TRPM1: variants seen among roughly 807,000 people sequenced by gnomAD.
TRPM1 encodes the protein transient receptor potential cation channel subfamily M member 1.
TRPM1 carries 113 observed loss-of-function variants against 149.4 expected under a neutral mutation model. The observed-to-expected ratio is 0.76, with a 90% CI of 0.65 to 0.88. The LOEUF is 0.88. TRPM1 is among the 40% of genes least tolerant of loss of function. The pLI is 0.00. For synonymous variants in TRPM1, 741 were observed against 759.5 expected, an observed-to-expected ratio of 0.98 and a Z score of 0.40; for missense variants, 1,976 against 2,038.7, an observed-to-expected ratio of 0.97 and a Z score of 0.59.
chr15:31,046,227 CT>C lies in TRPM1; in HGVS notation c.1770del (p.Ala591LeufsTer37). 6.2e-7 allele frequency: 1 copy of C among 1,613,614 alleles called. No individual in the cohort carries two copies. Among genetic ancestry groups the C allele is most frequent in the Non-Finnish European group, 8.5e-7 (1 of 1,179,828 alleles). ...YNNLFGPKRP[K>X]ALKLLGMEDD... The stretch of plus-strand genomic sequence containing the variant: ...ACTTCCATTCCCAGAAGTTTAAGAG[CT>C]TTAGGCTGCATGGTGAAAGAGGAAG... On this transcript the variant is annotated frameshift_variant, in exon 16 of 28. Coordinates refer to ENST00000256552, the MANE Select transcript of TRPM1 (RefSeq NM_001252024.2). LOFTEE classifies it high-confidence loss of function.
intron 1 of TRPM1, among the ~76,000 whole-genome samples, chr15:31,122,623 T>C (rs924529274): frequency 1.3e-5 from 2 of 152,168 alleles, no homozygotes; most frequent in African/African-American, 4.8e-5. Flanking sequence ...TTTAACAAAA[T>C]ATGTCCAAGA....
At chr15:31,093,709 C>T (rs539931930) in intron 1 of TRPM1, among the ~76,000 whole-genome samples, 11 of 151,878 alleles carry the variant, frequency 7.2e-5, no homozygotes, top group African/African-American at 2.4e-4. Flanking sequence ...TCAAGTGATT[C>T]TTGTGCCTCA....
intron 1 of TRPM1, among the ~76,000 whole-genome samples, chr15:31,112,954 A>C (rs1475323458): frequency 6.6e-6 from 1 of 152,184 alleles, no homozygotes; most frequent in Non-Finnish European, 1.5e-5. Flanking sequence ...AAGTATCACA[A>C]CAGAGGACTT....
intron 1 of TRPM1, among the ~76,000 whole-genome samples, chr15:31,124,248 G>A (rs926870652): frequency 1.3e-5 from 2 of 151,974 alleles, no homozygotes; most frequent in East Asian, 1.9e-4. Context: ...TCGCGCCATC[G>A]TGCTCTAGCA....
Position 31,076,953 on chromosome 15 carries a change from C to CA in TRPM1, c.34dup (p.Cys12LeufsTer11). 6.2e-7 allele frequency: 1 copy of CA among 1,612,700 alleles called. No homozygotes were observed. Among genetic ancestry groups the CA allele is most frequent in the Non-Finnish European group, 8.5e-7 (1 of 1,178,762 alleles). On this transcript the variant is annotated frameshift_variant, in exon 3 of 28. Coordinates refer to ENST00000256552, the MANE Select transcript of TRPM1 (RefSeq NM_001252024.2). LOFTEE classifies it high-confidence loss of function. ...AATTACAAAGATACATTCCCGTTTGCAAAAGGTTTTCTCTATCCAAGATTT... is the reference window on the plus strand; with the variant it reads ...AATTACAAAGATACATTCCCGTTTGCAAAAAGGTTTTCTCTATCCAAGATTT...
At chr15:31,024,996 C>A (rs1011210451) in intron 27 of TRPM1, among the ~76,000 whole-genome samples, 1 of 152,198 alleles carries the variant, frequency 6.6e-6, no homozygotes, top group East Asian at 1.9e-4. Flanking sequence ...GTTGCCATCT[C>A]CCCTCCTGTG....
intron 11 of TRPM1, among the ~76,000 whole-genome samples, chr15:31,052,782 T>G (rs953844587): frequency 2.6e-5 from 4 of 152,030 alleles, no homozygotes; most frequent in African/African-American, 9.7e-5. Context: ...TCTCAAAAAC[T>G]AATTAATTAA....
At chr15:31,056,819 A>C (rs2034099341) in intron 11 of TRPM1, among the ~76,000 whole-genome samples, 1 of 152,182 alleles carries the variant, frequency 6.6e-6, no homozygotes, top group African/African-American at 2.4e-5. Context: ...AGGCCCTGAC[A>C]AGATACCAGC....
chr15:31,113,555 T>TC, intron 1 of TRPM1, among the ~76,000 whole-genome samples: 1 of 152,122 alleles, frequency 6.6e-6, no homozygotes, highest in East Asian at 1.9e-4. Flanking sequence ...CCTAAAATGT[T>TC]TTTTTTTAAC....
At chr15:31,081,532 G>A (rs1292403283) in intron 1 of TRPM1, 94 bp from the exon 2 acceptor site, 1 of 784,126 alleles carries the variant, frequency 1.3e-6, no homozygotes, top group Non-Finnish European at 2.0e-6. Flanking sequence ...CTTTGTTCCA[G>A]TCTCTGCTCT....
In TRPM1 at chr15:31,066,239, T is replaced by C. The variant is rs1486622208; in HGVS notation, c.627A>G (p.Arg209=). 1.2e-6 allele frequency: 2 copies of C among 1,614,126 alleles called. No homozygotes were observed. The highest frequency in any genetic ancestry group is 1.7e-6 in the Non-Finnish European group (2 of 1,180,022). The change falls in exon 7 of 28, where the codon AGA becomes AGG. Residue 209 remains arginine, a synonymous_variant. Coordinates refer to ENST00000256552, the MANE Select transcript of TRPM1 (RefSeq NM_001252024.2). ...KEDLVGKDVT[R]VYQTMSNPLS... ...GAGGGTTGGACATGGTCTGGTACAC[T>C]CTTGTTACCTGACAAAGTGCACAGC... is the stretch of plus-strand genomic sequence containing the variant.
At position 31,002,233 on chromosome 15, in the gene TRPM1, C is replaced by T. The variant is rs1290411036; in HGVS notation, c.4467G>A (p.Thr1489=). 2.5e-6 allele frequency: 4 copies of T among 1,614,212 alleles called. No homozygotes were observed. Among genetic ancestry groups the T allele is most frequent in the Non-Finnish European group, 1.7e-6 (2 of 1,180,032 alleles). The change falls in exon 28 of 28, where the codon ACG becomes ACA. Residue 1489 remains threonine, a synonymous_variant. Transcript: ENST00000256552. ...EYSSITDQQL[T]TEWQCQVQKI... is the part of the protein sequence containing the mutation. Reference sequence around the variant, plus strand: ...TTTGAACTTGGCATTGCCATTCCGTCGTCAATTGCTGGTCCGTGATTGAAC... The same window carrying T: ...TTTGAACTTGGCATTGCCATTCCGTTGTCAATTGCTGGTCCGTGATTGAAC...
chr15:31,123,811 A>G (rs1169870927), intron 1 of TRPM1, among the ~76,000 whole-genome samples: 1 of 152,234 alleles, frequency 6.6e-6, no homozygotes, highest in Admixed American at 6.5e-5. Context: ...GTCTTATCTT[A>G]TGATCCAGAA....
At position 31,149,525 on chromosome 15, in the gene TRPM1, TC is replaced by T. The variant is rs1365997217; in HGVS notation, c.54+11380del. The stretch of plus-strand genomic sequence containing the variant: ...AGCTCGTCATGTGCATCTCTCTCTC[TC>T]TTTTTTTTTTTTTTTTTGAGACGGA... On this transcript the variant is annotated intron_variant, in intron 1 of 26. Coordinates refer to the TRPM1 transcript ENST00000542188. Among the ~76,000 whole-genome samples the T allele has an allele frequency of 8.8e-3, 451 of 51,348 alleles. 14 individuals are homozygous for T. Among genetic ancestry groups the T allele is most frequent in the African/African-American group, 0.035 (437 of 12,396 alleles). The allele number at this position is 51,348 out of a possible 152,430, so 33.7% of individuals were successfully genotyped here. A position where few individuals can be genotyped will look rare whatever the true frequency, so the allele number is the denominator to read the frequency against.
chr15:31,063,084 G>C (rs760416866), intron 8 of TRPM1, 34 bp downstream of exon 8: 2 of 1,613,560 alleles, frequency 1.2e-6, no homozygotes, highest in Admixed American at 1.7e-5. Context: ...AGGGAGTTAC[G>C]AACCCGCCCT....
chr15:31,127,688 C>T (rs1036500600), intron 1 of TRPM1, among the ~76,000 whole-genome samples: 1 of 152,004 alleles, frequency 6.6e-6, no homozygotes, highest in South Asian at 2.1e-4. Flanking sequence ...GACAGGGTGG[C>T]GAGAAGGCAG....
At chr15:31,157,819 G>A (rs947514958) in intron 1 of TRPM1, among the ~76,000 whole-genome samples, 22 of 152,264 alleles carry the variant, frequency 1.4e-4, no homozygotes, top group African/African-American at 5.1e-4. Flanking sequence ...GATCTGCCTT[G>A]TACAAATAGA....
intron 27 of TRPM1, among the ~76,000 whole-genome samples, chr15:31,024,109 G>T (rs2032640062): frequency 6.6e-6 from 1 of 152,104 alleles, no homozygotes; most frequent in Non-Finnish European, 1.5e-5. Flanking sequence ...ACAAGGCAGG[G>T]GCTGACATGC....
At chr15:31,105,474 C>T (rs544592012), upstream of TRPM1, among the ~76,000 whole-genome samples, 691 of 99,726 alleles carry the variant, frequency 6.9e-3, 2 homozygotes, top group Non-Finnish European at 6.9e-3. Context: ...TGTGTGTGTG[C>T]GCGCGCGCGC....
Sources: gnomAD v4.1 joint callset for allele counts (sites outside exome capture counted in the v4.1 genomes callset) on GRCh38, gnomAD v4.1.1 for gene constraint, MANE v1.5 for transcripts, NCBI Gene and HGNC (gene_info 2026-07-23, HGNC 2026-07-21) for gene names.